The following LMO7 variants were observed in gnomAD, a reference collection of about 807,000 sequenced individuals.
LMO7 encodes LIM domain 7.
LMO7 carries 120 observed loss-of-function variants against 206.5 expected under a neutral mutation model. That is an observed-to-expected ratio of 0.58 (90% CI 0.50 to 0.68). LMO7 has a LOEUF of 0.68. Ranked by LOEUF, LMO7 falls within the 30% of genes least tolerant of loss-of-function variation. The pLI, the probability that LMO7 is intolerant of heterozygous loss-of-function variation, is 0.00. For synonymous variants in LMO7, 706 were observed against 681.5 expected, an observed-to-expected ratio of 1.04 and a Z score of -0.56; for missense variants, 1,959 against 1,957.9, an observed-to-expected ratio of 1.00 and a Z score of -0.01.
chr13:75,718,504 T>G (rs1028958412), intron 2 of LMO7, among the ~76,000 whole-genome samples: 8 of 152,134 alleles, frequency 5.3e-5, no homozygotes, highest in African/African-American at 1.9e-4. Context: ...CAGTTTTGGG[T>G]TCACAGAAAA....
At chr13:75,632,864 T>TG (rs2035154174), upstream of LMO7, among the ~76,000 whole-genome samples, 1 of 135,260 alleles carries the variant, frequency 7.4e-6, no homozygotes, top group South Asian at 2.6e-4. Context: ...ACTTAAAAGT[T>TG]TTTTTTTTTT....
intron 29 of LMO7, among the ~76,000 whole-genome samples, chr13:75,855,577 ATTTTCTATTTCTAATC>A (rs1307244293): frequency 2.6e-5 from 4 of 152,124 alleles, no homozygotes; most frequent in African/African-American, 9.7e-5. Context: ...AAAATTTTGC[ATTTTCTATTTCTAATC>A]TGTTAGAATT....
intron 4 of LMO7, 109 bp downstream of exon 4, chr13:75,761,147 TTCTC>T (rs2048173599): frequency 1.4e-6 from 1 of 704,328 alleles, no homozygotes; most frequent in Non-Finnish European, 2.3e-6. Flanking sequence ...AATTCTTCTG[TTCTC>T]TCTGTTTTCC....
In LMO7 at chr13:75,672,829, T is replaced by G. The variant is rs139148612; in HGVS notation, c.69+36103T>G. Among the ~76,000 whole-genome samples, 261 of 152,374 alleles carry G rather than the reference T, an allele frequency of 1.7e-3. 1 individual carries two copies. The highest frequency in any genetic ancestry group is 6.0e-3 in the African/African-American group (251 of 41,590). On this transcript the variant is annotated intron_variant, in intron 1 of 30. Coordinates refer to ENST00000377534, the MANE Select transcript of LMO7 (RefSeq NM_001306080.2). ...GGTTAATATGTCTAAATATAATTTG[T>G]GTCTTTTCTGTTAACTATGTTCTCT...
At chr13:75,669,519 C>T (rs2039365738) in intron 1 of LMO7, among the ~76,000 whole-genome samples, 1 of 152,100 alleles carries the variant, frequency 6.6e-6, no homozygotes. Context: ...ATAGAATTCT[C>T]TTTCAGGAAG....
chr13:75,652,463 TC>T (rs1297592627), intron 1 of LMO7, among the ~76,000 whole-genome samples: 1 of 152,192 alleles, frequency 6.6e-6, no homozygotes, highest in Non-Finnish European at 1.5e-5. Flanking sequence ...CTTTCCATCT[TC>T]CAAAAGTTTG....
At chr13:75,810,984 A>G (rs1002001462) in intron 11 of LMO7, among the ~76,000 whole-genome samples, 6 of 152,352 alleles carry the variant, frequency 3.9e-5, no homozygotes, top group African/African-American at 1.4e-4. Context: ...ATGCAGTTCA[A>G]TGCCAAGGTA....
At chr13:75,717,445 A>G (rs374193355) in intron 2 of LMO7, among the ~76,000 whole-genome samples, 1 of 151,094 alleles carries the variant, frequency 6.6e-6, no homozygotes, top group African/African-American at 2.4e-5. Flanking sequence ...CCTTTCTTGT[A>G]TCTTGGAAAG....
chr13:75,653,550 A>G (rs1665557588), intron 1 of LMO7, among the ~76,000 whole-genome samples: 1 of 152,210 alleles, frequency 6.6e-6, no homozygotes, highest in South Asian at 2.1e-4. Flanking sequence ...AAAATGTTGA[A>G]TGAATTCAGT....
chr13:75,834,867 T>A (rs1391746219), intron 17 of LMO7, among the ~76,000 whole-genome samples: 1 of 152,202 alleles, frequency 6.6e-6, no homozygotes, highest in Non-Finnish European at 1.5e-5. Flanking sequence ...ATTAAGCCTC[T>A]GCAGACCTAC....
At chr13:75,643,350 C>T (rs979700088) in intron 1 of LMO7, among the ~76,000 whole-genome samples, 1 of 152,150 alleles carries the variant, frequency 6.6e-6, no homozygotes, top group Non-Finnish European at 1.5e-5. Flanking sequence ...TTGCCCAATC[C>T]TTTTAGTTTG....
intron 1 of LMO7, among the ~76,000 whole-genome samples, chr13:75,643,573 C>T (rs1054361639): frequency 2.0e-5 from 3 of 152,098 alleles, no homozygotes; most frequent in African/African-American, 7.2e-5. Flanking sequence ...TGTGTTAGAG[C>T]CTGAGGAAAT....
chr13:75,775,676 T>C (rs1298795838), intron 4 of LMO7, among the ~76,000 whole-genome samples: 1 of 152,012 alleles, frequency 6.6e-6, no homozygotes, highest in African/African-American at 2.4e-5. Context: ...AGAAGATATG[T>C]AAGTGGCTAA....
At chr13:75,782,549 A>G (rs542865320) in intron 4 of LMO7, among the ~76,000 whole-genome samples, 136 of 152,360 alleles carry the variant, frequency 8.9e-4, no homozygotes, top group South Asian at 4.8e-3. Flanking sequence ...TGTTGCCGCT[A>G]TAACAAATGA....
chr13:75,776,161 G>T (rs1328720887), intron 4 of LMO7, among the ~76,000 whole-genome samples: 23 of 16,850 alleles, frequency 1.4e-3, no homozygotes, highest in South Asian at 0.014. Flanking sequence ...TATATATATC[G>T]GATATATATA....
intron 1 of LMO7, among the ~76,000 whole-genome samples, chr13:75,696,518 A>C (rs957552063): frequency 1.3e-5 from 2 of 152,216 alleles, no homozygotes. Context: ...ATTGGGACTT[A>C]GTAGTAGGTC....
chr13:75,669,523 C>T (rs1355627177), intron 1 of LMO7, among the ~76,000 whole-genome samples: 2 of 152,212 alleles, frequency 1.3e-5, no homozygotes, highest in Admixed American at 6.5e-5. Flanking sequence ...AATTCTCTTT[C>T]AGGAAGTCTG....
chr13:75,814,353 G>A (rs191988045), intron 11 of LMO7, among the ~76,000 whole-genome samples: 7 of 152,234 alleles, frequency 4.6e-5, no homozygotes, highest in South Asian at 2.1e-4. Flanking sequence ...TAAGCAACAC[G>A]TGACTTGTGA....
intron 11 of LMO7, among the ~76,000 whole-genome samples, chr13:75,813,404 C>T (rs989478113): frequency 2.0e-5 from 3 of 152,172 alleles, no homozygotes; most frequent in African/African-American, 7.2e-5. Context: ...ATCCCTTCCT[C>T]ACTTAGCAGG....
Sources: allele counts gnomAD v4.1 joint callset (sites outside exome capture counted in the v4.1 genomes callset), GRCh38; gene constraint gnomAD v4.1.1; transcripts MANE v1.5; gene names NCBI Gene and HGNC (gene_info 2026-07-23, HGNC 2026-07-21).